Variants in DDC observed in about 807,000 individuals in gnomAD.
DDC encodes aromatic-L-amino-acid decarboxylase.
A neutral mutation model predicts 60.0 loss-of-function variants in DDC; 43 were observed. The observed-to-expected ratio is 0.72, with a 90% CI of 0.56 to 0.92. The LOEUF (loss-of-function observed/expected upper bound fraction) is 0.92. Among genes scored for constraint, DDC ranks in the 40% least tolerant of loss-of-function variants. The probability of loss-of-function intolerance (pLI) is 0.00; values close to 1 mark genes in which losing one functional copy is unlikely to be tolerated. For synonymous variants in DDC, 232 were observed against 234.6 expected, an observed-to-expected ratio of 0.99 and a Z score of 0.10; for missense variants, 573 against 620.2, an observed-to-expected ratio of 0.92 and a Z score of 0.81.
chr7:50,528,021 C>G, intron 6 of DDC, 116 bp downstream of exon 6: 1 of 1,240,496 alleles, frequency 8.1e-7, no homozygotes, highest in Non-Finnish European at 1.1e-6. Context: ...CTCAGCTTCC[C>G]GAGTAGCTGG....
At chr7:50,559,839 A>G (rs1208900685) in intron 1 of DDC, among the ~76,000 whole-genome samples, 2 of 152,228 alleles carry the variant, frequency 1.3e-5, no homozygotes, top group Non-Finnish European at 2.9e-5. Context: ...CAGAATAATC[A>G]ACATCTTGAA....
At chr7:50,554,835 CAG>C (rs2045126990) in intron 1 of DDC, among the ~76,000 whole-genome samples, 1 of 152,146 alleles carries the variant, frequency 6.6e-6, no homozygotes, top group Non-Finnish European at 1.5e-5. Flanking sequence ...TTCTCAACTA[CAG>C]AGAGAGAAAC....
At chr7:50,511,204 A>C (rs1476713739) in intron 6 of DDC, among the ~76,000 whole-genome samples, 1 of 151,580 alleles carries the variant, frequency 6.6e-6, no homozygotes. Context: ...AATTACATTT[A>C]TATTTATTTA....
At chr7:50,520,356 G>C (rs1405396261) in intron 6 of DDC, among the ~76,000 whole-genome samples, 1 of 152,050 alleles carries the variant, frequency 6.6e-6, no homozygotes, top group Non-Finnish European at 1.5e-5. Context: ...AATTAAATTA[G>C]AAATCAATAA....
At chr7:50,496,567 A>G (rs55992615) in intron 8 of DDC, among the ~76,000 whole-genome samples, 6,221 of 152,032 alleles carry the variant, frequency 0.041, 268 homozygotes, top group African/African-American at 0.11. Context: ...AGAGGAGGAC[A>G]CTCTGCATTT....
At chr7:50,499,419 T>A (rs912266964) in intron 7 of DDC, among the ~76,000 whole-genome samples, 177 bp from the exon 8 acceptor site, 6 of 152,154 alleles carry the variant, frequency 3.9e-5, no homozygotes, top group Non-Finnish European at 7.4e-5. Flanking sequence ...CTGAGGGCAG[T>A]GTGTGTGCTG....
intron 9 of DDC, among the ~76,000 whole-genome samples, chr7:50,489,048 C>G (rs1384220314): frequency 6.6e-6 from 1 of 152,068 alleles, no homozygotes; most frequent in Non-Finnish European, 1.5e-5. Flanking sequence ...GCTCTGTCAC[C>G]CAGGCTGGAG....
At chr7:50,484,217 G>A (rs2042831937) in intron 9 of DDC, among the ~76,000 whole-genome samples, 1 of 152,096 alleles carries the variant, frequency 6.6e-6, no homozygotes, top group Admixed American at 6.5e-5. Flanking sequence ...ATGTAATTAG[G>A]CAGGCCAACT....
chr7:50,471,789 C>CT (rs2153534626), intron 11 of DDC, among the ~76,000 whole-genome samples: 1 of 152,286 alleles, frequency 6.6e-6, no homozygotes, highest in Non-Finnish European at 1.5e-5. Context: ...ACTAAGCTAA[C>CT]TTGTCTTTTG....
rs1554425850 is a variant in DDC at position 50,511,052 on chromosome 7, T to TATATACAC, written c.715-6994_715-6993insGTGTATAT. Among the ~76,000 whole-genome samples, 161 of 139,132 alleles carry TATATACAC rather than the reference T, an allele frequency of 1.2e-3. 1 individual carries two copies. The highest frequency in any genetic ancestry group is 3.7e-3 in the African/African-American group (137 of 37,064). The allele number at this position is 139,132 out of a possible 152,430, so 91.3% of individuals were successfully genotyped here. On this transcript the variant is annotated intron_variant, in intron 6 of 14. Coordinates refer to ENST00000444124, the MANE Select transcript of DDC (RefSeq NM_001082971.2). ...TTGCTAGGATATTAGGATATATCTA[T>TATATACAC]ACACACACACACACACACACACACA...
rs563046026 is a variant in DDC at position 50,563,697 on chromosome 7, G to A, written c.-29+1588C>T. 2.1e-4 allele frequency among the ~76,000 whole-genome samples: 32 copies of A among 152,206 alleles called. No homozygotes were observed. The East Asian group carries it at 5.4e-3, about 26-fold the overall frequency. ...GCTCACCGCAACCTCCGCCTCCCAC[G>A]CTCAAGTGATTATCCTGCCTCAGCC... On this transcript the variant is annotated intron_variant, in intron 1 of 14. Coordinates refer to ENST00000444124, the MANE Select transcript of DDC (RefSeq NM_001082971.2).
rs539289188 is a variant in DDC, at chr7:50,547,923, A to T, written c.-28-3810T>A. On this transcript the variant is annotated intron_variant, in intron 1 of 14. Coordinates refer to ENST00000444124, the MANE Select transcript of DDC (RefSeq NM_001082971.2). ...ACAACCCTGAATCCAGCAAGTCTAT[A>T]GGCACAATGTTTCCAAAAGCATGTG... Among the ~76,000 whole-genome samples, 3 of 152,350 alleles carry T rather than the reference A, an allele frequency of 2.0e-5. No individual in the cohort carries two copies. In the East Asian group the frequency reaches 5.8e-4, roughly 29 times the overall value.
chr7:50,536,263 C>G (rs1294513822), intron 4 of DDC, among the ~76,000 whole-genome samples: 2 of 152,178 alleles, frequency 1.3e-5, no homozygotes, highest in Non-Finnish European at 1.5e-5. Flanking sequence ...AAAGCCCCCT[C>G]CCTGCTTTGA....
At chr7:50,532,153 C>T (rs1371613470) in intron 4 of DDC, among the ~76,000 whole-genome samples, 2 of 152,204 alleles carry the variant, frequency 1.3e-5, no homozygotes, top group Non-Finnish European at 2.9e-5. Flanking sequence ...GGCTCACAGG[C>T]TGTCACCAGG....
At chr7:50,565,084 T>G (rs1428019552) in intron 1 of DDC, among the ~76,000 whole-genome samples, 1 of 152,150 alleles carries the variant, frequency 6.6e-6, no homozygotes, top group African/African-American at 2.4e-5. Context: ...TGACTGTGTG[T>G]GCATGGAGAG....
intron 7 of DDC, among the ~76,000 whole-genome samples, chr7:50,501,534 A>G (rs1032562786): frequency 7.9e-5 from 12 of 152,238 alleles, no homozygotes; most frequent in Admixed American, 1.3e-4. Context: ...GAAGAAAACC[A>G]TCTTCTGATT....
At position 50,476,523 on chromosome 7, in the gene DDC, C is replaced by G. The variant is rs977952357; in HGVS notation, c.1041+101G>C. On this transcript the variant is annotated intron_variant, in intron 11 of 14. Transcript: ENST00000444124. ...CCCAGTTAGAAGGTGCCCACCAGTG[C>G]GTGCTGATCATGAGAGTGGGGGAGG... is the stretch of plus-strand genomic sequence containing the variant. The G allele has an allele frequency of 3.6e-6, 4 of 1,122,020 alleles. No homozygotes were observed. In the African/African-American group the frequency reaches 4.6e-5, roughly 13 times the overall value. The allele number at this position is 1,122,020 out of a possible 1,614,324, so 69.5% of individuals were successfully genotyped here.
At chr7:50,563,598 T>TTTA (rs1298524629) in intron 1 of DDC, among the ~76,000 whole-genome samples, 2 of 152,056 alleles carry the variant, frequency 1.3e-5, no homozygotes, top group East Asian at 1.9e-4. Context: ...ATAATTTTAT[T>TTTA]TTATTATTAT....
At chr7:50,512,785 C>A (rs957045700) in intron 6 of DDC, among the ~76,000 whole-genome samples, 1 of 152,180 alleles carries the variant, frequency 6.6e-6, no homozygotes, top group Admixed American at 6.5e-5. Flanking sequence ...GGGCCAGTGC[C>A]TTTTTCCCCC....
Sources: gnomAD v4.1 joint callset for allele counts (sites outside exome capture counted in the v4.1 genomes callset) on GRCh38, gnomAD v4.1.1 for gene constraint, MANE v1.5 for transcripts, NCBI Gene and HGNC (gene_info 2026-07-23, HGNC 2026-07-21) for gene names.